Variants in CPPED1 observed in about 807,000 individuals in gnomAD.
The protein encoded by CPPED1 is serine/threonine-protein phosphatase CPPED1.
A neutral mutation model predicts 28.0 loss-of-function variants in CPPED1; 28 were observed. The observed-to-expected ratio is 1.00, with a 90% CI of 0.74 to 1.37. The LOEUF is 1.37. CPPED1 is among the 40% of genes most tolerant of loss of function. The probability of loss-of-function intolerance (pLI) is 0.00; values close to 1 mark genes in which losing one functional copy is unlikely to be tolerated. For missense variants in CPPED1, 504 were observed against 416.5 expected (o/e 1.21, Z -1.83); for synonymous variants, 198 against 180.2 (o/e 1.10, Z -0.79).
chr16:12,670,524 ATG>A lies in CPPED1; in HGVS notation c.716-5411_716-5410del, dbSNP rs2079848107. 6.6e-6 allele frequency among the ~76,000 whole-genome samples: 1 copy of A among 152,150 alleles called. No homozygotes were observed. Among genetic ancestry groups the A allele is most frequent in the Non-Finnish European group, 1.5e-5 (1 of 68,034 alleles). On this transcript the variant is annotated intron_variant, in intron 3 of 3. Coordinates refer to ENST00000381774, the MANE Select transcript of CPPED1 (RefSeq NM_018340.3). The surrounding 1 kb of genome is among the most constrained non-coding windows in gnomAD (Gnocchi z 4.2). ...AAAGAGAAGGTTAAAAAAAAAAAGA[ATG>A]TATTTACAGTGAAGAAACTGGACAA...
chr16:12,801,213 C>T (rs1424830403), intron 1 of CPPED1, among the ~76,000 whole-genome samples: 2 of 152,194 alleles, frequency 1.3e-5, no homozygotes, highest in Non-Finnish European at 2.9e-5. Flanking sequence ...CCTGCCATAG[C>T]CTCCCAAGTA....
chr16:12,699,937 G>A (rs557257094), intron 3 of CPPED1, among the ~76,000 whole-genome samples: 5 of 152,222 alleles, frequency 3.3e-5, no homozygotes, highest in Admixed American at 2.6e-4. Context: ...ATGTTGTTGT[G>A]ACCTGAGCCG....
At chr16:12,781,085 A>C in intron 2 of CPPED1, 100 bp downstream of exon 2, 2 of 987,288 alleles carry the variant, frequency 2.0e-6, no homozygotes, top group Non-Finnish European at 3.1e-6. Flanking sequence ...TCCATGACTG[A>C]GCAAAGATGC....
intron 2 of CPPED1, chr16:12,757,394 A>AACTGC (rs2080377605): frequency 6.6e-6 from 1 of 152,014 alleles, no homozygotes; most frequent in African/African-American, 2.4e-5. Context: ...TGCCTACCAG[A>AACTGC]ACTGCACAGG....
intron 3 of CPPED1, among the ~76,000 whole-genome samples, chr16:12,701,645 G>A (rs184608270): frequency 1.1e-4 from 17 of 152,278 alleles, no homozygotes; most frequent in South Asian, 2.1e-4. Context: ...GAGCTGGGCC[G>A]GACCTGGGGG....
intron 3 of CPPED1, among the ~76,000 whole-genome samples, chr16:12,696,695 AG>A (rs1439628951): frequency 6.6e-6 from 1 of 151,598 alleles, no homozygotes; most frequent in Non-Finnish European, 1.5e-5. Context: ...CACCTGCCTC[AG>A]CCTGCCAAAG....
intron 1 of CPPED1, among the ~76,000 whole-genome samples, chr16:12,786,568 C>A (rs2080564561): frequency 6.6e-6 from 1 of 152,188 alleles, no homozygotes; most frequent in Admixed American, 6.5e-5. Flanking sequence ...TTATTCATTA[C>A]TATCTAGTCA....
chr16:12,725,739 A>G (rs1395808621), intron 2 of CPPED1, among the ~76,000 whole-genome samples: 1 of 152,208 alleles, frequency 6.6e-6, no homozygotes, highest in African/African-American at 2.4e-5. Context: ...CTTGTGTGCC[A>G]CAATGAATGA....
intron 2 of CPPED1, among the ~76,000 whole-genome samples, chr16:12,705,505 C>A (rs2080045160): frequency 1.3e-5 from 2 of 151,938 alleles, no homozygotes; most frequent in Non-Finnish European, 2.9e-5. Flanking sequence ...TGCCTGTAAT[C>A]CCAGCACTTA....
At chr16:12,678,296 G>C (rs1394920037) in intron 3 of CPPED1, among the ~76,000 whole-genome samples, 1 of 152,192 alleles carries the variant, frequency 6.6e-6, no homozygotes, top group Non-Finnish European at 1.5e-5. Flanking sequence ...CGGTCAGAAA[G>C]AGACTTCTAT....
At chr16:12,780,890 T>C (rs1243316967) in intron 2 of CPPED1, 1 of 389,138 alleles carries the variant, frequency 2.6e-6, no homozygotes, top group Non-Finnish European at 4.7e-6. Flanking sequence ...CAGTTCAAGT[T>C]TGTCCCTGGA....
intron 2 of CPPED1, among the ~76,000 whole-genome samples, chr16:12,714,417 AG>A (rs138131845): frequency 0.034 from 5,146 of 152,280 alleles, 128 homozygotes; most frequent in East Asian, 0.1. Context: ...GCAATGTATG[AG>A]GGTCCCAATG....
chr16:12,769,269 A>T (rs1167239776), intron 2 of CPPED1, among the ~76,000 whole-genome samples: 1 of 152,206 alleles, frequency 6.6e-6, no homozygotes, highest in Non-Finnish European at 1.5e-5. Context: ...CCAATAATTT[A>T]AAAAATATTT....
At chr16:12,742,637 G>A (rs143878996) in intron 2 of CPPED1, among the ~76,000 whole-genome samples, 1 of 152,122 alleles carries the variant, frequency 6.6e-6, no homozygotes, top group African/African-American at 2.4e-5. Flanking sequence ...AAAAATCAGG[G>A]GTAGTAGATG....
chr16:12,705,450 C>T (rs2080044787), intron 2 of CPPED1, among the ~76,000 whole-genome samples: 1 of 152,126 alleles, frequency 6.6e-6, no homozygotes, highest in South Asian at 2.1e-4. Context: ...TACAGTGAGA[C>T]CCTGTCTTCA....
At chr16:12,727,294 C>T (rs1410611149) in intron 2 of CPPED1, among the ~76,000 whole-genome samples, 1 of 152,162 alleles carries the variant, frequency 6.6e-6, no homozygotes, top group African/African-American at 2.4e-5. Context: ...ATGATCAAAT[C>T]CCAGAGGTTA....
At chr16:12,739,653 C>G (rs1255961167) in intron 2 of CPPED1, among the ~76,000 whole-genome samples, 1 of 152,160 alleles carries the variant, frequency 6.6e-6, no homozygotes. Flanking sequence ...AGTAGGCTAA[C>G]CTCTCTCTCA....
chr16:12,672,541 G>A (rs542559766), intron 3 of CPPED1, among the ~76,000 whole-genome samples: 3 of 152,304 alleles, frequency 2.0e-5, no homozygotes, highest in East Asian at 3.9e-4. Flanking sequence ...GTAAAATAAC[G>A]TATGCCTTAG....
chr16:12,734,753 T>C (rs933643606), intron 2 of CPPED1, among the ~76,000 whole-genome samples: 2 of 152,264 alleles, frequency 1.3e-5, no homozygotes, highest in East Asian at 1.9e-4. Context: ...AGGGTTCCCA[T>C]GGCATCACTC....
Sources: allele counts gnomAD v4.1 joint callset (sites outside exome capture counted in the v4.1 genomes callset), GRCh38; gene constraint gnomAD v4.1.1; non-coding constraint Gnocchi (gnomAD v3.1); transcripts MANE v1.5; gene names NCBI Gene and HGNC (gene_info 2026-07-23, HGNC 2026-07-21).